The following SESTD1 variants were observed in gnomAD, a reference collection of about 807,000 sequenced individuals.
The protein encoded by SESTD1 is SEC14 domain and spectrin repeat-containing protein 1.
SESTD1 carries 43 observed loss-of-function variants against 101.7 expected under a neutral mutation model. That is an observed-to-expected ratio of 0.42 (90% CI 0.33 to 0.55). The LOEUF is 0.55. SESTD1 is among the 20% of genes least tolerant of loss of function. SESTD1 has a pLI of 0.07. For synonymous variants in SESTD1, 283 were observed against 286.8 expected (o/e 0.99, Z 0.13); for missense variants, 647 against 815.1 (o/e 0.79, Z 2.51).
intron 16 of SESTD1, 110 bp from the exon 17 acceptor site, chr2:179,112,955 G>C: frequency 7.3e-7 from 1 of 1,375,500 alleles, no homozygotes; most frequent in Non-Finnish European, 9.7e-7. Flanking sequence ...ACACAGAAAT[G>C]GAATCAAGCT....
At chr2:179,217,735 G>A (rs1378218952) in intron 1 of SESTD1, among the ~76,000 whole-genome samples, 2 of 152,086 alleles carry the variant, frequency 1.3e-5, no homozygotes, top group African/African-American at 4.8e-5. Context: ...CAACCCAAAT[G>A]TCCATCAATG....
At chr2:179,161,579 T>C (rs946790033) in intron 5 of SESTD1, among the ~76,000 whole-genome samples, 1 of 151,756 alleles carries the variant, frequency 6.6e-6, no homozygotes, top group African/African-American at 2.4e-5. Flanking sequence ...GGAGAATCGC[T>C]TGAACCCGGG....
At chr2:179,213,832 T>A (rs2105519716) in intron 1 of SESTD1, among the ~76,000 whole-genome samples, 1 of 135,432 alleles carries the variant, frequency 7.4e-6, no homozygotes, top group Non-Finnish European at 1.6e-5. Context: ...TATTCACCAT[T>A]CTTAAAGAAA....
At chr2:179,160,536 TTTA>T (rs1396121723) in intron 5 of SESTD1, among the ~76,000 whole-genome samples, 1 of 151,814 alleles carries the variant, frequency 6.6e-6, no homozygotes, top group Non-Finnish European at 1.5e-5. Context: ...CTTTTAAATA[TTTA>T]TTGACATTGT....
At chr2:179,254,056 T>C (rs185773462) in intron 1 of SESTD1, among the ~76,000 whole-genome samples, 5 of 152,002 alleles carry the variant, frequency 3.3e-5, no homozygotes, top group Admixed American at 1.3e-4. Context: ...ACCCTGACTG[T>C]ACCACTGCAC....
rs995573685 is a variant in SESTD1 at position 179,106,498 on chromosome 2, C to G, written c.*3401G>C. 3 of 152,124 alleles carry G rather than the reference C, an allele frequency of 2.0e-5. No homozygotes were observed. The highest frequency in any genetic ancestry group is 7.2e-5 in the African/African-American group (3 of 41,446). 9.4% of individuals were successfully genotyped at this position (152,124 alleles called of 1,614,324 possible). On this transcript the variant is annotated 3_prime_UTR_variant, in exon 18 of 18. Transcript: ENST00000428443. ...ATCATTGGTAACAATGGGTTTAGAT[C>G]AGAGTATGGTTTACTCATCACTGTT...
rs541605693 is a variant in SESTD1, at chr2:179,126,141, A to C, written c.973-1583T>G. ...CTACGCTGAAATTAAACCTCAGTTA[A>C]AAAAAATTTTTTTCTTAAAGGAGTT... On this transcript the variant is annotated intron_variant, in intron 10 of 17. Transcript: ENST00000428443. Among the ~76,000 whole-genome samples the C allele has an allele frequency of 7.9e-5, 12 of 152,338 alleles. No homozygotes were observed. The East Asian group carries it at 1.3e-3, about 17-fold the overall frequency.
intron 1 of SESTD1, among the ~76,000 whole-genome samples, chr2:179,197,192 T>C (rs899947519): frequency 6.6e-6 from 1 of 151,644 alleles, no homozygotes; most frequent in Non-Finnish European, 1.5e-5. Flanking sequence ...TGCAATCAAC[T>C]GGAAGAAAGG....
chr2:179,197,317 C>A (rs1015493018), intron 1 of SESTD1, among the ~76,000 whole-genome samples: 3 of 151,644 alleles, frequency 2.0e-5, no homozygotes, highest in Admixed American at 2.0e-4. Context: ...CGTGAAAAGA[C>A]CAAATCTACA....
chr2:179,197,248 A>C (rs991801756), intron 1 of SESTD1, among the ~76,000 whole-genome samples: 1 of 152,116 alleles, frequency 6.6e-6, no homozygotes, highest in Non-Finnish European at 1.5e-5. Context: ...GCGAGAAGGG[A>C]AATTTAGAGA....
At chr2:179,263,220 T>G (rs2047507405) in intron 1 of SESTD1, among the ~76,000 whole-genome samples, 1 of 152,170 alleles carries the variant, frequency 6.6e-6, no homozygotes, top group African/African-American at 2.4e-5. Flanking sequence ...TATAAAAGCT[T>G]CCTGGTCCTA....
At position 179,115,257 on chromosome 2, in the gene SESTD1, C is replaced by CTTT. The variant is rs747304254; in HGVS notation, c.1648-2_1648-1insAAA. ...ACTGCCTGCCATAGTCATAAGTGCT[C>CTTT]TAAAAAAGAAAAGGAAACATAAAAT... On this transcript the variant is annotated splice_acceptor_variant, in intron 15 of 17. Coordinates refer to ENST00000428443, the MANE Select transcript of SESTD1 (RefSeq NM_178123.5). LOFTEE classifies it high-confidence loss of function. 1 of 1,561,668 alleles carries CTTT rather than the reference C, an allele frequency of 6.4e-7. No homozygotes were observed.
chr2:179,175,690 G>T (rs1042363371), intron 4 of SESTD1, among the ~76,000 whole-genome samples: 1 of 152,148 alleles, frequency 6.6e-6, no homozygotes, highest in Non-Finnish European at 1.5e-5. Flanking sequence ...AGAGCAATCT[G>T]CCCTCCGCAT....
At chr2:179,148,716 G>A (rs771552976) in intron 7 of SESTD1, among the ~76,000 whole-genome samples, 2 of 152,080 alleles carry the variant, frequency 1.3e-5, no homozygotes, top group African/African-American at 2.4e-5. Flanking sequence ...TTGAAAACAC[G>A]TTCTTGAAAC....
At chr2:179,221,618 G>GAA (rs751713024) in intron 1 of SESTD1, among the ~76,000 whole-genome samples, 7 of 120,464 alleles carry the variant, frequency 5.8e-5, no homozygotes, top group Admixed American at 8.7e-5. Context: ...GACTGTTAAG[G>GAA]AAAAAAAAAA....
chr2:179,128,109 T>C (rs1225837672), intron 10 of SESTD1, among the ~76,000 whole-genome samples: 1 of 152,178 alleles, frequency 6.6e-6, no homozygotes, highest in Non-Finnish European at 1.5e-5. Context: ...ACTAAATCAG[T>C]ATCTGGAGTT....
intron 7 of SESTD1, among the ~76,000 whole-genome samples, chr2:179,147,900 A>G (rs1405648375): frequency 1.3e-5 from 2 of 152,234 alleles, no homozygotes; most frequent in Non-Finnish European, 2.9e-5. Flanking sequence ...AAGTCCAGCT[A>G]ATTTTCATCA....
At chr2:179,196,952 G>A (rs193235013) in intron 1 of SESTD1, among the ~76,000 whole-genome samples, 3 of 152,312 alleles carry the variant, frequency 2.0e-5, no homozygotes, top group African/African-American at 7.2e-5. Flanking sequence ...AACAAAGCTG[G>A]ACGGAGAATG....
chr2:179,221,708 A>G (rs1408434225), intron 1 of SESTD1, among the ~76,000 whole-genome samples: 3 of 151,584 alleles, frequency 2.0e-5, no homozygotes, highest in Non-Finnish European at 4.4e-5. Flanking sequence ...GTATGAGCCT[A>G]CGAGTTTGAG....
Sources: gnomAD v4.1 joint callset for allele counts (sites outside exome capture counted in the v4.1 genomes callset) on GRCh38, gnomAD v4.1.1 for gene constraint, MANE v1.5 for transcripts, NCBI Gene and HGNC (gene_info 2026-07-23, HGNC 2026-07-21) for gene names.